STAM2: variants seen among roughly 807,000 people sequenced by gnomAD.
The protein encoded by STAM2 is signal transducing adapter molecule 2.
A neutral mutation model predicts 65.6 loss-of-function variants in STAM2; 51 were observed. The ratio of observed to expected loss-of-function variants is 0.78; its 90% confidence interval spans 0.62 to 0.98. The LOEUF (loss-of-function observed/expected upper bound fraction) is 0.98, where lower values mean the gene tolerates loss of function less well. STAM2 is among the 50% of genes least tolerant of loss of function. STAM2 has a pLI of 0.00. For missense variants in STAM2, 584 were observed against 617.8 expected, an observed-to-expected ratio of 0.95 and a Z score of 0.58; for synonymous variants, 198 against 208.4, an observed-to-expected ratio of 0.95 and a Z score of 0.43.
In STAM2 at chr2:152,175,715, C is replaced by G; in HGVS notation, c.-73G>C. 2 of 1,529,108 alleles carry G rather than the reference C, an allele frequency of 1.3e-6. No homozygotes were observed. Among genetic ancestry groups the G allele is most frequent in the Non-Finnish European group, 8.9e-7 (1 of 1,126,612 alleles). The allele number at this position is 1,529,108 out of a possible 1,614,324, so 94.7% of individuals were successfully genotyped here. A position where few individuals can be genotyped will look rare whatever the true frequency, so the allele number is the denominator to read the frequency against. On this transcript the variant is annotated 5_prime_UTR_variant, in exon 1 of 14. Transcript: ENST00000263904. ...CAACTGCTACCCGCCGGGTGACCCGCGGCCGCGGCTCCCTAGACCGCTCCG... is the reference window on the plus strand; with the variant it reads ...CAACTGCTACCCGCCGGGTGACCCGGGGCCGCGGCTCCCTAGACCGCTCCG...
At chr2:152,169,715 T>TA (rs1190845111) in intron 1 of STAM2, among the ~76,000 whole-genome samples, 1 of 152,184 alleles carries the variant, frequency 6.6e-6, no homozygotes, top group African/African-American at 2.4e-5. Context: ...AACAATGTCT[T>TA]ACTTCATATT....
intron 1 of STAM2, among the ~76,000 whole-genome samples, chr2:152,153,499 C>T (rs753934431): frequency 3.3e-5 from 5 of 151,910 alleles, no homozygotes; most frequent in African/African-American, 7.3e-5. Flanking sequence ...TACTGGAACT[C>T]GCTTTAAAAA....
chr2:152,157,115 A>C (rs542617622), intron 1 of STAM2, among the ~76,000 whole-genome samples: 7 of 152,146 alleles, frequency 4.6e-5, no homozygotes, highest in African/African-American at 1.4e-4. Flanking sequence ...GAAGAGGACT[A>C]GCCCAAGTAG....
intron 1 of STAM2, among the ~76,000 whole-genome samples, chr2:152,160,815 G>C (rs1480825869): frequency 1.4e-5 from 2 of 147,022 alleles, no homozygotes; most frequent in African/African-American, 2.5e-5. Context: ...GCCCCGTCCG[G>C]GAAGGTGGTG....
Position 152,139,911 on chromosome 2 carries a change from C to G in STAM2, c.704+3916G>C, listed in dbSNP as rs114919943. Among the ~76,000 whole-genome samples the G allele has an allele frequency of 7.1e-3, 1,075 of 152,156 alleles. 15 individuals carry two copies. Among genetic ancestry groups the G allele is most frequent in the African/African-American group, 0.024 (1,003 of 41,514 alleles). On this transcript the variant is annotated intron_variant, in intron 7 of 13. Transcript: ENST00000263904. ...AATATAATGATTTGCATAGCATTTA[C>G]ATTGTATCAGGTACTATAAGTTATC...
At chr2:152,148,536 G>C (rs1392044647) in intron 2 of STAM2, among the ~76,000 whole-genome samples, 1 of 152,124 alleles carries the variant, frequency 6.6e-6, no homozygotes, top group East Asian at 1.9e-4. Context: ...TGGGCATGGT[G>C]GCATGTGTCT....
chr2:152,146,621 T>C (rs1225962501), intron 5 of STAM2, among the ~76,000 whole-genome samples: 1 of 152,236 alleles, frequency 6.6e-6, no homozygotes, highest in Non-Finnish European at 1.5e-5. Flanking sequence ...CTCAATTCCA[T>C]GAATTTGTTC....
chr2:152,129,589 A>G (rs1246438091), intron 11 of STAM2, among the ~76,000 whole-genome samples: 1 of 152,214 alleles, frequency 6.6e-6, no homozygotes, highest in African/African-American at 2.4e-5. Context: ...ATTATCAAGG[A>G]CAATGATTTC....
rs762643195 is a variant in STAM2, at chr2:152,150,205, G to A, written c.65C>T (p.Thr22Ile). 2 of 1,613,326 alleles carry A rather than the reference G, an allele frequency of 1.2e-6. No homozygotes were observed. The highest frequency in any genetic ancestry group is 1.7e-6 in the Non-Finnish European group (2 of 1,179,480). Residue 22 changes from threonine to isoleucine, a missense_variant, in exon 2 of 14, where the codon ACT becomes ATT. Coordinates refer to ENST00000263904, the MANE Select transcript of STAM2 (RefSeq NM_005843.6). ...DVEKATNEYN[T>I]TEDWSLIMDI... Reference sequence around the variant, plus strand: ...CATAATAAGACTCCAATCTTCTGTAGTGTTGTACTCATTCGTGGCTTTTTC... The same window carrying A: ...CATAATAAGACTCCAATCTTCTGTAATGTTGTACTCATTCGTGGCTTTTTC...
rs1448728198 is a variant in STAM2 at position 152,135,589 on chromosome 2, C to T, written c.719G>A (p.Trp240Ter). ...TATTCCTCTGTGATTTTCTCCTTTCCACCAATTGGCATCACTAAAAATACA... is the reference window on the plus strand; with the variant it reads ...TATTCCTCTGTGATTTTCTCCTTTCTACCAATTGGCATCACTAAAAATACA... Reference protein sequence around the residue: ...IVLDDSDANWWKGENHRGIGL... With the variant: ...IVLDDSDANW Residue 240 changes from tryptophan to a stop codon, truncating the protein, a stop_gained, in exon 8 of 14, where the codon TGG (tryptophan) becomes TAG (stop). Transcript: ENST00000263904. LOFTEE classifies it high-confidence loss of function. The T allele has an allele frequency of 6.2e-7, 1 of 1,609,910 alleles. No homozygotes were observed. Among genetic ancestry groups the T allele is most frequent in the Non-Finnish European group, 8.5e-7 (1 of 1,177,892 alleles).
intron 11 of STAM2, among the ~76,000 whole-genome samples, chr2:152,130,356 A>G (rs1689036945): frequency 6.6e-6 from 1 of 151,900 alleles, no homozygotes; most frequent in Non-Finnish European, 1.5e-5. Flanking sequence ...GGTTAACGCC[A>G]TTCTCCTGCC....
intron 4 of STAM2, 74 bp from the exon 5 acceptor site, chr2:152,147,382 G>A: frequency 1.5e-6 from 2 of 1,322,348 alleles, no homozygotes; most frequent in East Asian, 2.6e-5. Flanking sequence ...TTAACAAGGA[G>A]AATTACCATC....
At chr2:152,171,114 T>C (rs180825814) in intron 1 of STAM2, among the ~76,000 whole-genome samples, 26 of 152,308 alleles carry the variant, frequency 1.7e-4, no homozygotes, top group Admixed American at 1.4e-3. Context: ...ATTATACTAT[T>C]AAAGAGAATT....
intron 1 of STAM2, among the ~76,000 whole-genome samples, chr2:152,167,211 G>A (rs1468612716): frequency 6.6e-6 from 1 of 152,112 alleles, no homozygotes; most frequent in Non-Finnish European, 1.5e-5. Flanking sequence ...TTAACTGGAG[G>A]AAACTAAAGA....
chr2:152,153,203 G>A (rs1689479395), intron 1 of STAM2, among the ~76,000 whole-genome samples: 1 of 151,990 alleles, frequency 6.6e-6, no homozygotes, highest in African/African-American at 2.4e-5. Flanking sequence ...GATATAAAAA[G>A]TACCACTTTA....
intron 11 of STAM2, chr2:152,131,557 G>A (rs1423043185): frequency 1.3e-5 from 2 of 153,302 alleles, no homozygotes; most frequent in African/African-American, 4.8e-5. Context: ...AAGGCAGGAT[G>A]GTCTCAAAGA....
chr2:152,150,271 C>A, intron 1 of STAM2, 42 bp from the exon 2 acceptor site: 1 of 1,255,422 alleles, frequency 8.0e-7, no homozygotes, highest in South Asian at 1.2e-5. Flanking sequence ...GGACACATCT[C>A]ATATAACACT....
intron 11 of STAM2, 108 bp from the exon 12 acceptor site, chr2:152,126,487 C>CT (rs1258891652): frequency 1.6e-5 from 10 of 627,860 alleles, no homozygotes; most frequent in Non-Finnish European, 1.8e-5. Context: ...TATTAAAAGG[C>CT]TTTTTTATAT....
chr2:152,157,031 T>C (rs1198557093), intron 1 of STAM2, among the ~76,000 whole-genome samples: 1 of 152,132 alleles, frequency 6.6e-6, no homozygotes. Context: ...AAATATGTAG[T>C]GAGCCTCACG....
Sources: gnomAD v4.1 joint callset for allele counts (sites outside exome capture counted in the v4.1 genomes callset) on GRCh38, gnomAD v4.1.1 for gene constraint, MANE v1.5 for transcripts, NCBI Gene and HGNC (gene_info 2026-07-23, HGNC 2026-07-21) for gene names.